Variants in ABRAXAS1 observed in about 807,000 individuals in gnomAD.
The protein encoded by ABRAXAS1 is BRCA1-A complex subunit Abraxas 1.
Under a neutral mutation model 38.4 loss-of-function variants are expected in ABRAXAS1, and 26 were observed. That is an observed-to-expected ratio of 0.68 (90% CI 0.50 to 0.94). ABRAXAS1 has a LOEUF of 0.94. Ranked by LOEUF, ABRAXAS1 falls within the 40% of genes least tolerant of loss-of-function variation. The pLI is 0.00. For missense variants in ABRAXAS1, 438 were observed against 481.9 expected (o/e 0.91, Z 0.85); for synonymous variants, 144 against 165.5 (o/e 0.87, Z 1.00).
In ABRAXAS1 at chr4:83,478,206, C is replaced by CT. The variant is rs2110046191; in HGVS notation, c.179-1528dup. Reference sequence around the variant, plus strand: ...TATGGTTTGGCTGGGGCTCTTGCCTCTAATCCAGGTGATGTGGCAGGCACT... The same window carrying CT: ...TATGGTTTGGCTGGGGCTCTTGCCTCTTAATCCAGGTGATGTGGCAGGCACT... On this transcript the variant is annotated intron_variant, in intron 2 of 8. Transcript: ENST00000321945. 5 of 695,096 alleles carry CT rather than the reference C, an allele frequency of 7.2e-6. 1 individual carries two copies. The highest frequency in any genetic ancestry group is 6.8e-5 in the South Asian group (5 of 73,984). The allele number at this position is 695,096 out of a possible 1,614,324, so 43.1% of individuals were successfully genotyped here. A position where few individuals can be genotyped will look rare whatever the true frequency, so the allele number is the denominator to read the frequency against.
rs1560570359 is a variant in ABRAXAS1 at position 83,462,436 on chromosome 4, AAAT to A, written c.*30_*32del. ...AAATGTTTGGCTTTACCCATCAGCC[AAAT>A]AAAAAAATCTCCTTGTAAGGTTAAA... On this transcript the variant is annotated 3_prime_UTR_variant, in exon 9 of 9. Transcript: ENST00000321945. 4 of 1,556,236 alleles carry A rather than the reference AAAT, an allele frequency of 2.6e-6. No individual in the cohort carries two copies. The highest frequency in any genetic ancestry group is 3.5e-6 in the Non-Finnish European group (4 of 1,152,074).
chr4:83,460,762 C>T lies in ABRAXAS1; in HGVS notation c.*1707G>A, dbSNP rs1390252634. On this transcript the variant is annotated 3_prime_UTR_variant, in exon 9 of 9. Coordinates refer to ENST00000321945, the MANE Select transcript of ABRAXAS1 (RefSeq NM_139076.3). ...CTACTACAAATACAAAAAAATTATCCGGGTGTGGCGGTGCATGCCTGTAAT... is the reference window on the plus strand; with the variant it reads ...CTACTACAAATACAAAAAAATTATCTGGGTGTGGCGGTGCATGCCTGTAAT... The T allele has an allele frequency of 5.5e-5, 27 of 488,702 alleles. No homozygotes were observed. Among genetic ancestry groups the T allele is most frequent in the Non-Finnish European group, 6.3e-5 (17 of 270,500 alleles). 30.3% of individuals were successfully genotyped at this position (488,702 alleles called of 1,614,324 possible). A position where few individuals can be genotyped will look rare whatever the true frequency, so the allele number is the denominator to read the frequency against.
chr4:83,465,327 C>CT (rs1491585228), intron 7 of ABRAXAS1, among the ~76,000 whole-genome samples: 1 of 126,128 alleles, frequency 7.9e-6, no homozygotes, highest in African/African-American at 2.8e-5. Flanking sequence ...AAAGAAGAAA[C>CT]TAAAAACAAC....
Position 83,482,048 on chromosome 4 carries a change from G to C in ABRAXAS1, c.178+106C>G, listed in dbSNP as rs186731863. 7.9e-4 allele frequency: 569 copies of C among 721,422 alleles called. 3 individuals carry two copies. Among genetic ancestry groups the C allele is most frequent in the Admixed American group, 2.0e-3 (64 of 31,940 alleles). 44.7% of individuals were successfully genotyped at this position (721,422 alleles called of 1,614,324 possible). A position where few individuals can be genotyped will look rare whatever the true frequency, so the allele number is the denominator to read the frequency against. On this transcript the variant is annotated intron_variant, in intron 2 of 8. Coordinates refer to ENST00000321945, the MANE Select transcript of ABRAXAS1 (RefSeq NM_139076.3). The stretch of plus-strand genomic sequence containing the variant: ...GTGTGAGCCACCTTGCCCAGCCTCT[G>C]TATTTCCTAATTTAAAAATAATAAT...
rs6535478 is a variant in ABRAXAS1 at position 83,472,322 on chromosome 4, C to T, written c.216-34G>A. ...GCCAAAATTAAAGGTATTTCAAATACGCTAAAAATATAAGTAATTTTATTA... is the reference window on the plus strand; with the variant it reads ...GCCAAAATTAAAGGTATTTCAAATATGCTAAAAATATAAGTAATTTTATTA... On this transcript the variant is annotated intron_variant, in intron 3 of 8. Coordinates refer to ENST00000321945, the MANE Select transcript of ABRAXAS1 (RefSeq NM_139076.3). 669,855 of 1,261,974 alleles carry T rather than the reference C, an allele frequency of 0.53. 182,880 individuals carry two copies. The highest frequency in any genetic ancestry group is 0.85 in the African/African-American group (54,972 of 64,828). The allele number at this position is 1,261,974 out of a possible 1,614,324, so 78.2% of individuals were successfully genotyped here.
At position 83,462,802 on chromosome 4, in the gene ABRAXAS1, C is replaced by G. The variant is rs140407442; in HGVS notation, c.897G>C (p.Met299Ile). Residue 299 changes from methionine (M) to isoleucine (I), a missense_variant, in exon 9 of 9, where the codon ATG (methionine) becomes ATC (isoleucine). Around this residue, in one of 3 missense-constraint regions of ABRAXAS1, gnomAD observed 184 missense variants for 181.9 expected, o/e 1.01. Coordinates refer to ENST00000321945, the MANE Select transcript of ABRAXAS1 (RefSeq NM_139076.3). ...TAGAAACATGTCTATTTTTTAAAGA[C>G]ATAACACATGAATGAAGAAATTCAG... ...PNSEFLHSCVMSLKNRHVSKS... is the reference protein window; with the variant it reads ...PNSEFLHSCVISLKNRHVSKS... 1.2e-6 allele frequency: 2 copies of G among 1,613,230 alleles called. No homozygotes were observed. The highest frequency in any genetic ancestry group is 1.3e-5 in the African/African-American group (1 of 74,864).
intron 2 of ABRAXAS1, among the ~76,000 whole-genome samples, chr4:83,478,637 T>C (rs955870687): frequency 6.6e-6 from 1 of 152,188 alleles, no homozygotes; most frequent in Admixed American, 6.5e-5. Flanking sequence ...GTGTTAACAT[T>C]GAGACTCTAG....
At chr4:83,469,967 G>C in intron 5 of ABRAXAS1, 1 of 365,334 alleles carries the variant, frequency 2.7e-6, no homozygotes, top group Non-Finnish European at 4.9e-6. Flanking sequence ...TAGTAAATAA[G>C]AGCAAATCTT....
In ABRAXAS1 at chr4:83,460,109, A is replaced by G. The variant is rs1722026218; in HGVS notation, c.*2360T>C. 5.1e-6 allele frequency: 1 copy of G among 196,766 alleles called. No individual in the cohort carries two copies. The highest frequency in any genetic ancestry group is 2.3e-5 in the African/African-American group (1 of 43,292). 12.2% of individuals were successfully genotyped at this position (196,766 alleles called of 1,614,324 possible). ...GTCAGCAAACTATGGCCCATAGGCCAAATTCGACCTGCTCCCTTTTTATCT... is the reference window on the plus strand; with the variant it reads ...GTCAGCAAACTATGGCCCATAGGCCGAATTCGACCTGCTCCCTTTTTATCT... On this transcript the variant is annotated 3_prime_UTR_variant, in exon 9 of 9. Transcript: ENST00000321945.
chr4:83,459,990 G>C lies in ABRAXAS1; in HGVS notation c.*2479C>G. The C allele has an allele frequency of 6.6e-6, 3 of 454,002 alleles. No individual in the cohort carries two copies. The highest frequency in any genetic ancestry group is 3.9e-6 in the Non-Finnish European group (1 of 258,022). The allele number at this position is 454,002 out of a possible 1,614,324, so 28.1% of individuals were successfully genotyped here. A position where few individuals can be genotyped will look rare whatever the true frequency, so the allele number is the denominator to read the frequency against. ...GATTATTATTTTGCTGTCTTATGCAGAGTTAACTATATAGAAAAACTGGGC... is the reference window on the plus strand; with the variant it reads ...GATTATTATTTTGCTGTCTTATGCACAGTTAACTATATAGAAAAACTGGGC... On this transcript the variant is annotated 3_prime_UTR_variant, in exon 9 of 9. Coordinates refer to ENST00000321945, the MANE Select transcript of ABRAXAS1 (RefSeq NM_139076.3).
intron 8 of ABRAXAS1, 126 bp from the exon 9 acceptor site, chr4:83,463,028 C>T: frequency 1.5e-6 from 1 of 650,940 alleles, no homozygotes; most frequent in Non-Finnish European, 2.5e-6. Context: ...GTGAGGATAA[C>T]ATACATAATT....
At chr4:83,468,361 G>A (rs865871872) in intron 6 of ABRAXAS1, among the ~76,000 whole-genome samples, 2 of 150,206 alleles carry the variant, frequency 1.3e-5, no homozygotes, top group South Asian at 2.1e-4. Flanking sequence ...AATGAAATAC[G>A]GTATTCAGTT....
At chr4:83,478,317 A>G (rs1249790214) in intron 2 of ABRAXAS1, 1 of 625,988 alleles carries the variant, frequency 1.6e-6, no homozygotes, top group Non-Finnish European at 3.1e-6. Context: ...TGGAAACATG[A>G]GGGCTTTTTT....
intron 1 of ABRAXAS1, among the ~76,000 whole-genome samples, chr4:83,483,605 A>G (rs1723070625): frequency 1.3e-5 from 2 of 152,026 alleles, no homozygotes; most frequent in South Asian, 4.1e-4. Flanking sequence ...TTTTCCCCTA[A>G]AAGTAAAAAA....
chr4:83,480,773 C>T (rs1344119209), intron 2 of ABRAXAS1, among the ~76,000 whole-genome samples: 1 of 152,120 alleles, frequency 6.6e-6, no homozygotes, highest in African/African-American at 2.4e-5. Context: ...CTGATTATAA[C>T]ATATTTAAAG....
chr4:83,481,579 G>A (rs1723002045), intron 2 of ABRAXAS1, among the ~76,000 whole-genome samples: 1 of 152,038 alleles, frequency 6.6e-6, no homozygotes, highest in African/African-American at 2.4e-5. Context: ...CTATTGCCGG[G>A]CCATCTTCCT....
At chr4:83,468,663 A>C (rs1722470206) in intron 6 of ABRAXAS1, among the ~76,000 whole-genome samples, 1 of 152,168 alleles carries the variant, frequency 6.6e-6, no homozygotes. Flanking sequence ...TAGATATGCT[A>C]AACTTTACAG....
intron 2 of ABRAXAS1, chr4:83,478,516 G>T: frequency 2.8e-6 from 1 of 360,164 alleles, no homozygotes. Flanking sequence ...AGTTCTAAGT[G>T]TTTACCAAAC....
intron 3 of ABRAXAS1, among the ~76,000 whole-genome samples, chr4:83,474,359 G>A (rs190642187): frequency 3.9e-5 from 6 of 152,050 alleles, no homozygotes; most frequent in African/African-American, 1.2e-4. Context: ...TTCAGGCTTT[G>A]ATGGCCACAT....
Sources: allele counts gnomAD v4.1 joint callset (sites outside exome capture counted in the v4.1 genomes callset), GRCh38; gene constraint gnomAD v4.1.1; regional missense constraint gnomAD v4.1.1; transcripts MANE v1.5; gene names NCBI Gene and HGNC (gene_info 2026-07-23, HGNC 2026-07-21).